STX17: variants seen among roughly 807,000 people sequenced by gnomAD.
STX17 encodes syntaxin 17.
In STX17, 29 loss-of-function variants were observed where a neutral mutation model predicts 35.9. The observed-to-expected ratio is 0.81, with a 90% CI of 0.60 to 1.10. The LOEUF (loss-of-function observed/expected upper bound fraction) is 1.10, where lower values mean the gene tolerates loss of function less well. STX17 is among the 50% of genes least tolerant of loss of function. The pLI is 0.00. For missense variants in STX17, 312 were observed against 352.3 expected (o/e 0.89, Z 0.92); for synonymous variants, 92 against 118.3 (o/e 0.78, Z 1.44).
Position 99,968,532 on chromosome 9 carries a change from A to C in STX17, c.768A>C (p.Ala256=). The C allele has an allele frequency of 6.2e-7, 1 of 1,613,688 alleles. No individual in the cohort carries two copies. Among genetic ancestry groups the C allele is most frequent in the Non-Finnish European group, 8.5e-7 (1 of 1,179,840 alleles). Reference sequence around the variant, plus strand: ...GCCTCCTTGCAGGCTTCAAAGTGGCAGGAATTGCAGCTGCACTTGGTGGTG... The same window carrying C: ...GCCTCCTTGCAGGCTTCAAAGTGGCCGGAATTGCAGCTGCACTTGGTGGTG... ...PIGLLAGFKV[A]GIAAALGGGV... Residue 256 remains alanine, a synonymous_variant, in exon 8 of 8, where the codon GCA becomes GCC. Transcript: ENST00000259400.
At chr9:99,932,230 T>G (rs1829141005) in intron 3 of STX17, among the ~76,000 whole-genome samples, 1 of 152,294 alleles carries the variant, frequency 6.6e-6, no homozygotes, top group South Asian at 2.1e-4. Flanking sequence ...AAGGTTATTA[T>G]AGCTGCAGTA....
At chr9:99,933,877 T>G (rs1257777420) in intron 3 of STX17, among the ~76,000 whole-genome samples, 1 of 152,214 alleles carries the variant, frequency 6.6e-6, no homozygotes, top group Non-Finnish European at 1.5e-5. Flanking sequence ...CCTCAGCTCT[T>G]CTTCCCAAAT....
In STX17 at chr9:99,960,117, C is replaced by T; in HGVS notation, c.544C>T (p.Leu182Phe). 6.2e-7 allele frequency: 1 copy of T among 1,614,018 alleles called. No homozygotes were observed. Among genetic ancestry groups the T allele is most frequent in the Non-Finnish European group, 8.5e-7 (1 of 1,179,964 alleles). ...WETLEADLIE[L>F]SQLVTDFSLL... ...CTTTCTTTTAAAGGACTTAATTGAA[C>T]TTAGCCAACTGGTCACTGACTTCTC... Residue 182 changes from leucine (L) to phenylalanine (F), a missense_variant, in exon 6 of 8, where the codon CTT becomes TTT. Leu to Phe is a conservative substitution (Grantham distance 22). Coordinates refer to ENST00000259400, the MANE Select transcript of STX17 (RefSeq NM_017919.3).
intron 3 of STX17, among the ~76,000 whole-genome samples, chr9:99,944,957 G>A (rs1050113939): frequency 5.9e-5 from 9 of 152,032 alleles, no homozygotes; most frequent in African/African-American, 2.2e-4. Flanking sequence ...AGAGTATATG[G>A]TCTGTATGAT....
intron 3 of STX17, among the ~76,000 whole-genome samples, chr9:99,942,362 G>A (rs1829384290): frequency 6.6e-6 from 1 of 152,066 alleles, no homozygotes; most frequent in Non-Finnish European, 1.5e-5. Flanking sequence ...TATATGTGTT[G>A]CAGATATCTT....
At chr9:99,927,952 A>G (rs1201164180) in intron 2 of STX17, among the ~76,000 whole-genome samples, 1 of 152,148 alleles carries the variant, frequency 6.6e-6, no homozygotes, top group African/African-American at 2.4e-5. Context: ...CTTATAATGT[A>G]TGTTTTCTAT....
chr9:99,926,146 T>G (rs570406439), intron 2 of STX17, among the ~76,000 whole-genome samples: 1 of 152,136 alleles, frequency 6.6e-6, no homozygotes, highest in East Asian at 1.9e-4. Context: ...AGGTACTCTT[T>G]TTTTAAATTC....
At chr9:99,912,335 T>C (rs919764632) in intron 1 of STX17, among the ~76,000 whole-genome samples, 2 of 152,214 alleles carry the variant, frequency 1.3e-5, no homozygotes, top group African/African-American at 4.8e-5. Flanking sequence ...GGTATCTCAT[T>C]GTGGTTTTTA....
In STX17 at chr9:99,960,124, A is replaced by T; in HGVS notation, c.551A>T (p.Gln184Leu). The change falls in exon 6 of 8, where the codon CAA (glutamine) becomes CTA (leucine). Residue 184 changes from glutamine to leucine, a missense_variant. By Grantham distance (113) the Gln-to-Leu change is moderately radical. Coordinates refer to ENST00000259400, the MANE Select transcript of STX17 (RefSeq NM_017919.3). ...TTAAAGGACTTAATTGAACTTAGCC[A>T]ACTGGTCACTGACTTCTCTCTCCTA... ...TLEADLIELSQLVTDFSLLVN... is the reference protein window; with the variant it reads ...TLEADLIELSLLVTDFSLLVN... 1 of 1,614,088 alleles carries T rather than the reference A, an allele frequency of 6.2e-7. No individual in the cohort carries two copies. Among genetic ancestry groups the T allele is most frequent in the Non-Finnish European group, 8.5e-7 (1 of 1,179,984 alleles).
chr9:99,938,883 A>G (rs541752266), intron 3 of STX17, among the ~76,000 whole-genome samples: 2 of 152,174 alleles, frequency 1.3e-5, no homozygotes, highest in East Asian at 3.9e-4. Context: ...TTTCTTCATA[A>G]TAGTGATGAT....
intron 3 of STX17, among the ~76,000 whole-genome samples, chr9:99,949,904 T>C (rs1287792190): frequency 1.3e-5 from 2 of 150,308 alleles, no homozygotes; most frequent in African/African-American, 4.9e-5. Context: ...CTAGTAAAGA[T>C]AGTATAAATA....
intron 2 of STX17, among the ~76,000 whole-genome samples, chr9:99,921,515 C>A (rs1335170458): frequency 2.6e-5 from 4 of 151,238 alleles, no homozygotes; most frequent in Non-Finnish European, 5.9e-5. Context: ...ATTATGCATT[C>A]TTTGTTTTGA....
At position 99,951,188 on chromosome 9, in the gene STX17, C is replaced by G. The variant is rs1421399659; in HGVS notation, c.318C>G (p.Leu106=). ...CATCAGCAGCAACAGCAGAATTTCT[C>G]CAACTCCATTTGGAATCTGTAGAAG... ...EEASAATAEF[L]QLHLESVEEL... Residue 106 remains leucine (L), a synonymous_variant, in exon 4 of 8, where the codon CTC becomes CTG. Transcript: ENST00000259400. 1 of 1,613,118 alleles carries G rather than the reference C, an allele frequency of 6.2e-7. No homozygotes were observed. Among genetic ancestry groups the G allele is most frequent in the Non-Finnish European group, 8.5e-7 (1 of 1,179,270 alleles).
At chr9:99,913,955 A>G (rs985375502) in intron 1 of STX17, 1 of 149,346 alleles carries the variant, frequency 6.7e-6, no homozygotes, top group African/African-American at 2.5e-5. Flanking sequence ...AAAATAAACT[A>G]TATTCACTTT....
chr9:99,930,180 G>A (rs1243406484), intron 3 of STX17, among the ~76,000 whole-genome samples: 2 of 151,708 alleles, frequency 1.3e-5, no homozygotes. Flanking sequence ...CATAGTGCTG[G>A]GATTACAGGC....
chr9:99,970,576 T>C lies in STX17; in HGVS notation c.*1903T>C, dbSNP rs1244669075. ...GATCAGAACTCACCCAGGCACATAC[T>C]AAAGCAAGATTCCTAAACCTCAGTT... On this transcript the variant is annotated 3_prime_UTR_variant, in exon 8 of 8. Coordinates refer to ENST00000259400, the MANE Select transcript of STX17 (RefSeq NM_017919.3). Among the ~76,000 whole-genome samples, 1 of 152,154 alleles carries C rather than the reference T, an allele frequency of 6.6e-6. No homozygotes were observed. The highest frequency in any genetic ancestry group is 2.4e-5 in the African/African-American group (1 of 41,432).
intron 2 of STX17, among the ~76,000 whole-genome samples, chr9:99,925,496 A>G (rs1318641801): frequency 6.6e-6 from 1 of 152,084 alleles, no homozygotes; most frequent in African/African-American, 2.4e-5. Flanking sequence ...TCCCCTTTCT[A>G]TCAACTTGAA....
chr9:99,943,972 A>C (rs1389809734), intron 3 of STX17, among the ~76,000 whole-genome samples: 2 of 152,092 alleles, frequency 1.3e-5, no homozygotes, highest in African/African-American at 4.8e-5. Context: ...GGCGAGGAAG[A>C]GAGACTTCAA....
intron 2 of STX17, among the ~76,000 whole-genome samples, chr9:99,917,326 A>G (rs1299336649): frequency 3.9e-5 from 6 of 152,214 alleles, no homozygotes; most frequent in Non-Finnish European, 7.3e-5. Context: ...ATGGAAATGT[A>G]AAAACATTTA....
Sources: allele counts gnomAD v4.1 joint callset (sites outside exome capture counted in the v4.1 genomes callset), GRCh38; gene constraint gnomAD v4.1.1; transcripts MANE v1.5; gene names NCBI Gene and HGNC (gene_info 2026-07-23, HGNC 2026-07-21).